AKT3: variants seen among roughly 807,000 people sequenced by gnomAD.
The protein encoded by AKT3 is AKT serine/threonine kinase 3, also known as RAC-gamma serine/threonine-protein kinase.
A neutral mutation model predicts 65.3 loss-of-function variants in AKT3; 15 were observed. The observed-to-expected ratio is 0.23, with a 90% CI of 0.15 to 0.35. The LOEUF (loss-of-function observed/expected upper bound fraction) is 0.35. Ranked by LOEUF, AKT3 falls within the 10% of genes least tolerant of loss-of-function variation. AKT3 has a pLI of 1.00. For synonymous variants in AKT3, 206 were observed against 183.8 expected, an observed-to-expected ratio of 1.12 and a Z score of -0.98; for missense variants, 243 against 576.5, an observed-to-expected ratio of 0.42 and a Z score of 5.92.
intron 2 of AKT3, among the ~76,000 whole-genome samples, chr1:243,819,574 TGAGGAA>T: frequency 6.6e-6 from 1 of 152,214 alleles, no homozygotes; most frequent in East Asian, 1.9e-4. Flanking sequence ...CTGCTGGCTC[TGAGGAA>T]TCCAGGTAGT....
downstream of AKT3, among the ~76,000 whole-genome samples, chr1:243,495,258 TC>T (rs1667515941): frequency 1.4e-4 from 21 of 152,246 alleles, no homozygotes; most frequent in South Asian, 4.4e-3. Flanking sequence ...CGCCTCCCTC[TC>T]CCCGCCAAGT....
At chr1:243,525,723 G>GA (rs1332051058) in intron 12 of AKT3, among the ~76,000 whole-genome samples, 2 of 107,968 alleles carry the variant, frequency 1.9e-5, no homozygotes, top group Non-Finnish European at 3.6e-5. Flanking sequence ...AAAACAATGT[G>GA]AAAAAACAAG....
intron 1 of AKT3, among the ~76,000 whole-genome samples, chr1:243,849,547 C>T (rs1371123374): frequency 6.6e-6 from 1 of 151,918 alleles, no homozygotes; most frequent in Non-Finnish European, 1.5e-5. Flanking sequence ...ACGGCTCCCT[C>T]CCCCCAACCC....
chr1:243,734,183 A>G (rs1171209345), intron 2 of AKT3, among the ~76,000 whole-genome samples: 2 of 152,218 alleles, frequency 1.3e-5, no homozygotes, highest in East Asian at 3.8e-4. Flanking sequence ...TTTCATCAAT[A>G]AAGTATTTAT....
intron 8 of AKT3, among the ~76,000 whole-genome samples, chr1:243,590,391 A>G (rs1039133491): frequency 2.6e-5 from 4 of 152,208 alleles, no homozygotes; most frequent in Non-Finnish European, 5.9e-5. Context: ...ATACCTCAAT[A>G]AAGCCAAGAA....
At chr1:243,841,960 G>A (rs1041540557) in intron 2 of AKT3, among the ~76,000 whole-genome samples, 4 of 152,090 alleles carry the variant, frequency 2.6e-5, no homozygotes, top group African/African-American at 9.7e-5. Context: ...TTCTAGAAAA[G>A]CAAAATTATA....
At chr1:243,606,192 T>C (rs1481061153) in intron 8 of AKT3, among the ~76,000 whole-genome samples, 1 of 149,992 alleles carries the variant, frequency 6.7e-6, no homozygotes, top group East Asian at 1.9e-4. Context: ...CCACAGAGAG[T>C]GTGGTGCTGC....
At chr1:243,786,503 C>A (rs149400566) in intron 2 of AKT3, among the ~76,000 whole-genome samples, 72 of 152,292 alleles carry the variant, frequency 4.7e-4, no homozygotes, top group African/African-American at 1.6e-3. Flanking sequence ...CTGGCCTTTC[C>A]ATCAGCTCAA....
At chr1:243,654,385 T>TCCTGTTTTA (rs1681606655) in intron 4 of AKT3, among the ~76,000 whole-genome samples, 2 of 152,242 alleles carry the variant, frequency 1.3e-5, no homozygotes, top group Non-Finnish European at 2.9e-5. Context: ...TTGTTTTTCA[T>TCCTGTTTTA]TCCATTCTGT....
chr1:243,613,910 A>C (rs1678086755), intron 7 of AKT3, among the ~76,000 whole-genome samples, 171 bp from the exon 8 acceptor site: 1 of 152,242 alleles, frequency 6.6e-6, no homozygotes, highest in East Asian at 1.9e-4. Flanking sequence ...TGAGAAACAT[A>C]AAACAAATGT....
chr1:243,695,443 G>T lies in AKT3; in HGVS notation c.172+148C>A, dbSNP rs566273333. On this transcript the variant is annotated intron_variant, in intron 3 of 13. Transcript: ENST00000673466. ...GTTATCGATAACCTCTATGCTAAGG[G>T]ACTGAAATTCTATCAAAGCTGAAAA... 2.0e-5 allele frequency: 12 copies of T among 596,532 alleles called. No homozygotes were observed. In the South Asian group the frequency reaches 2.1e-4, roughly 10 times the overall value. 37.0% of individuals were successfully genotyped at this position (596,532 alleles called of 1,614,324 possible).
At chr1:243,661,505 T>G (rs1474352089) in intron 4 of AKT3, among the ~76,000 whole-genome samples, 2 of 150,178 alleles carry the variant, frequency 1.3e-5, no homozygotes, top group African/African-American at 2.4e-5. Flanking sequence ...TAGCCATATG[T>G]AGAAAGCTGA....
chr1:243,658,748 G>C (rs553178512), intron 4 of AKT3, among the ~76,000 whole-genome samples: 74 of 149,698 alleles, frequency 4.9e-4, no homozygotes, highest in Non-Finnish European at 9.1e-4. Flanking sequence ...AATGAATAAA[G>C]AAAATGTATT....
chr1:243,583,189 T>TAC (rs1675522229), intron 8 of AKT3, among the ~76,000 whole-genome samples: 4 of 76,372 alleles, frequency 5.2e-5, no homozygotes, highest in Non-Finnish European at 8.0e-5. Context: ...TATATATATA[T>TAC]ATATATACAC....
At chr1:243,499,507 G>A (rs1482710246), downstream of AKT3, among the ~76,000 whole-genome samples, 1 of 152,212 alleles carries the variant, frequency 6.6e-6, no homozygotes, top group East Asian at 1.9e-4. Flanking sequence ...TAAGAGGCAG[G>A]CGTGTCTTTT....
chr1:243,723,799 CAGT>C (rs1308752978), intron 2 of AKT3, among the ~76,000 whole-genome samples: 1 of 152,050 alleles, frequency 6.6e-6, no homozygotes, highest in Non-Finnish European at 1.5e-5. Context: ...AACCTGCCAG[CAGT>C]TCCAGCTACT....
intron 1 of AKT3, among the ~76,000 whole-genome samples, chr1:243,845,783 A>AC (rs1695495508): frequency 6.6e-6 from 1 of 152,004 alleles, no homozygotes; most frequent in African/African-American, 2.4e-5. Context: ...GACAGAATTT[A>AC]CCCCCAGATT....
intron 2 of AKT3, among the ~76,000 whole-genome samples, chr1:243,806,803 T>C (rs1320821506): frequency 6.6e-6 from 1 of 152,196 alleles, no homozygotes; most frequent in Non-Finnish European, 1.5e-5. Flanking sequence ...GGAACTCAAA[T>C]ACCTTCAAAT....
intron 2 of AKT3, among the ~76,000 whole-genome samples, chr1:243,808,756 A>G (rs919448874): frequency 6.6e-6 from 1 of 152,216 alleles, no homozygotes; most frequent in Non-Finnish European, 1.5e-5. Context: ...AAATGAAGGG[A>G]AAAATGTTAA....
Sources: gnomAD v4.1 joint callset for allele counts (sites outside exome capture counted in the v4.1 genomes callset) on GRCh38, gnomAD v4.1.1 for gene constraint, MANE v1.5 for transcripts, NCBI Gene and HGNC (gene_info 2026-07-23, HGNC 2026-07-21) for gene names.